The following RPA1 variants were observed in gnomAD, a reference collection of about 807,000 sequenced individuals.
The protein encoded by RPA1 is replication protein A 70 kDa DNA-binding subunit.
A neutral mutation model predicts 83.0 loss-of-function variants in RPA1; 49 were observed. The observed-to-expected ratio is 0.59, with a 90% confidence interval of 0.47 to 0.75. RPA1 has a LOEUF of 0.75. RPA1 is among the 30% of genes least tolerant of loss of function. The pLI, the probability that RPA1 is intolerant of heterozygous loss-of-function variation, is 0.00. For synonymous variants in RPA1, 279 were observed against 281.8 expected (o/e 0.99, Z 0.10); for missense variants, 693 against 776.1 (o/e 0.89, Z 1.27).
chr17:1,862,138 C>T (rs1422904704), intron 5 of RPA1, among the ~76,000 whole-genome samples: 8 of 150,236 alleles, frequency 5.3e-5, no homozygotes, highest in South Asian at 2.1e-4. Flanking sequence ...GTGATCTGCC[C>T]GCCTCAGCCT....
In RPA1 at chr17:1,897,095, G is replaced by A. The variant is rs1390913998; in HGVS notation, c.1771G>A (p.Val591Met). 2 of 1,573,338 alleles carry A rather than the reference G, an allele frequency of 1.3e-6. No homozygotes were observed. The highest frequency in any genetic ancestry group is 2.3e-5 in the East Asian group (1 of 42,644). Residue 591 changes from valine to methionine, a missense_variant, in exon 17 of 17, where the codon GTG becomes ATG. Physicochemically the swap from Val to Met is conservative, Grantham distance 21. Transcript: ENST00000254719. ...GGACGAGTCTCGAATTAAGGCCACT[G>A]TGATGGACGTGAAGCCCGTGGACTA... ...YNDESRIKATVMDVKPVDYRE... is the reference protein window; with the variant it reads ...YNDESRIKATMMDVKPVDYRE...
intron 1 of RPA1, among the ~76,000 whole-genome samples, chr17:1,834,233 A>AT (rs1168025526): frequency 6.6e-6 from 1 of 152,080 alleles, no homozygotes; most frequent in African/African-American, 2.4e-5. Context: ...AAGTTTTTTT[A>AT]TTTTTTAGAG....
intron 4 of RPA1, among the ~76,000 whole-genome samples, chr17:1,850,196 A>G (rs1912438804): frequency 6.7e-6 from 1 of 149,650 alleles, no homozygotes; most frequent in Admixed American, 6.7e-5. Flanking sequence ...ATTACCTAAT[A>G]TTCAACTCTT....
At chr17:1,855,073 G>A (rs1912639808) in intron 5 of RPA1, among the ~76,000 whole-genome samples, 1 of 152,164 alleles carries the variant, frequency 6.6e-6, no homozygotes, top group African/African-American at 2.4e-5. Context: ...CATCAGAAAT[G>A]GATGGTGAGT....
chr17:1,850,011 A>G (rs1215476674), intron 4 of RPA1, among the ~76,000 whole-genome samples: 1 of 151,692 alleles, frequency 6.6e-6, no homozygotes, highest in African/African-American at 2.4e-5. Context: ...GTCTCTACTG[A>G]AAATACAAAA....
chr17:1,892,723 C>T (rs1262114099), intron 15 of RPA1, among the ~76,000 whole-genome samples: 1 of 152,218 alleles, frequency 6.6e-6, no homozygotes, highest in Non-Finnish European at 1.5e-5. Context: ...ATATAAGGTG[C>T]CTGCCATTTC....
chr17:1,831,434 C>CT (rs528303512), intron 1 of RPA1, among the ~76,000 whole-genome samples: 18 of 151,062 alleles, frequency 1.2e-4, no homozygotes, highest in East Asian at 1.9e-4. Context: ...CTGGCACCGT[C>CT]TTTTTTTTTG....
In RPA1 at chr17:1,839,715, C is replaced by T. The variant is rs147118883; in HGVS notation, c.34-3088C>T. On this transcript the variant is annotated intron_variant, in intron 1 of 16. Coordinates refer to ENST00000254719, the MANE Select transcript of RPA1 (RefSeq NM_002945.5). ...TGACATACATGATCATAGTTTACTGCAGCTTTATCTCCCTGGCTCAAGTGA... is the reference window on the plus strand; with the variant it reads ...TGACATACATGATCATAGTTTACTGTAGCTTTATCTCCCTGGCTCAAGTGA... Among the ~76,000 whole-genome samples, 19 of 150,402 alleles carry T rather than the reference C, an allele frequency of 1.3e-4. No homozygotes were observed. In the East Asian group the frequency reaches 3.7e-3, roughly 29 times the overall value.
Position 1,853,846 on chromosome 17 carries a change from A to T in RPA1, c.361+657A>T, listed in dbSNP as rs138236399. 5.3e-5 allele frequency among the ~76,000 whole-genome samples: 8 copies of T among 152,338 alleles called. No individual in the cohort carries two copies. The South Asian group carries it at 1.7e-3, about 32-fold the overall frequency. On this transcript the variant is annotated intron_variant, in intron 5 of 16. Coordinates refer to ENST00000254719, the MANE Select transcript of RPA1 (RefSeq NM_002945.5). ...CTTTTGTTTTTAAAAAGTGTGAAGC[A>T]TGCAGTCTATACTCCTGTGATAACA... is the stretch of plus-strand genomic sequence containing the variant.
chr17:1,880,620 CCT>C lies in RPA1; in HGVS notation c.1174_1175del (p.Ser392ArgfsTer12). The C allele has an allele frequency of 6.2e-7, 1 of 1,613,988 alleles. No homozygotes were observed. The highest frequency in any genetic ancestry group is 8.5e-7 in the Non-Finnish European group (1 of 1,179,978). On this transcript the variant is annotated frameshift_variant, in exon 12 of 17. Coordinates refer to ENST00000254719, the MANE Select transcript of RPA1 (RefSeq NM_002945.5). LOFTEE classifies it high-confidence loss of function. ...ARVSDFGGRS[L>X]SVLSSSTIIA... ...GAGTCTCTGATTTCGGTGGACGGAG[CCT>C]CTCCGTGCTGTCTTCAAGCACTATC...
rs753347648 is a variant in RPA1 at position 1,875,507 on chromosome 17, C to T, written c.455-154C>T. On this transcript the variant is annotated intron_variant, in intron 6 of 16. Coordinates refer to ENST00000254719, the MANE Select transcript of RPA1 (RefSeq NM_002945.5). ...CCAGCCTCAGTCTCTATTTGATCTGCGTATCTCTTGCATATAAAAAGGAAA... is the reference window on the plus strand; with the variant it reads ...CCAGCCTCAGTCTCTATTTGATCTGTGTATCTCTTGCATATAAAAAGGAAA... 7.9e-5 allele frequency among the ~76,000 whole-genome samples: 12 copies of T among 152,084 alleles called. No homozygotes were observed. In the East Asian group the frequency reaches 1.3e-3, roughly 17 times the overall value.
chr17:1,894,926 C>T (rs1306421756), intron 15 of RPA1, 83 bp from the exon 16 acceptor site: 4 of 1,092,074 alleles, frequency 3.7e-6, no homozygotes, highest in Admixed American at 3.8e-5. Context: ...GATGCATTTT[C>T]AGAAGTCTTT....
chr17:1,865,152 A>C (rs1381812689), intron 5 of RPA1, among the ~76,000 whole-genome samples: 1 of 152,240 alleles, frequency 6.6e-6, no homozygotes, highest in Non-Finnish European at 1.5e-5. Context: ...TCAGTTGATC[A>C]GTTTTTAATC....
chr17:1,863,451 G>T (rs1247382651), intron 5 of RPA1, among the ~76,000 whole-genome samples: 1 of 152,030 alleles, frequency 6.6e-6, no homozygotes, highest in African/African-American at 2.4e-5. Context: ...GACCTCAGGT[G>T]ATCCACCCAC....
At chr17:1,861,508 G>A (rs747851946) in intron 5 of RPA1, among the ~76,000 whole-genome samples, 1 of 152,088 alleles carries the variant, frequency 6.6e-6, no homozygotes, top group Non-Finnish European at 1.5e-5. Context: ...TTTTTGCGAG[G>A]TGTGTCCTTA....
At chr17:1,853,637 C>G (rs1358103804) in intron 5 of RPA1, among the ~76,000 whole-genome samples, 7 of 152,058 alleles carry the variant, frequency 4.6e-5, no homozygotes, top group Admixed American at 3.9e-4. Context: ...GAGCCGAGAT[C>G]GTGCCACTGC....
intron 4 of RPA1, among the ~76,000 whole-genome samples, chr17:1,848,633 C>T (rs1041469306): frequency 8.7e-5 from 12 of 137,182 alleles, no homozygotes; most frequent in South Asian, 4.5e-4. Context: ...GGTGCCATCT[C>T]GGCTCACTAC....
intron 1 of RPA1, among the ~76,000 whole-genome samples, chr17:1,834,575 G>C (rs1453122445): frequency 6.6e-6 from 1 of 152,168 alleles, no homozygotes; most frequent in Admixed American, 6.5e-5. Flanking sequence ...AGGCGTTTGG[G>C]CAAGAGTCAC....
Position 1,853,165 on chromosome 17 carries a change from G to A in RPA1, c.337G>A (p.Gly113Ser). 1 of 1,614,024 alleles carries A rather than the reference G, an allele frequency of 6.2e-7. No individual in the cohort carries two copies. Among genetic ancestry groups the A allele is most frequent in the Non-Finnish European group, 8.5e-7 (1 of 1,179,930 alleles). Residue 113 changes from glycine (G) to serine (S), a missense_variant, in exon 5 of 17, where the codon GGC becomes AGC. Coordinates refer to ENST00000254719, the MANE Select transcript of RPA1 (RefSeq NM_002945.5). ...KSAEAVGVKI[G>S]NPVPYNEGLG... ...AGCTGAAGCAGTTGGAGTGAAGATT[G>A]GCAATCCAGTGCCCTATAATGAAGG...
Sources: gnomAD v4.1 joint callset for allele counts (sites outside exome capture counted in the v4.1 genomes callset) on GRCh38, gnomAD v4.1.1 for gene constraint, MANE v1.5 for transcripts, NCBI Gene and HGNC (gene_info 2026-07-23, HGNC 2026-07-21) for gene names.